The following LY96 variants were observed in gnomAD, a reference collection of about 807,000 sequenced individuals.
The protein encoded by LY96 is lymphocyte antigen 96.
In LY96, 18 loss-of-function variants were observed where a neutral mutation model predicts 18.9. The ratio of observed to expected loss-of-function variants is 0.95; its 90% CI spans 0.66 to 1.41. The LOEUF is 1.41. Ranked by LOEUF, LY96 falls within the 40% of genes most tolerant of loss-of-function variation. The probability of loss-of-function intolerance (pLI) is 0.00; values close to 1 mark genes in which losing one functional copy is unlikely to be tolerated. For synonymous variants in LY96, 66 were observed against 62.6 expected, an observed-to-expected ratio of 1.06 and a Z score of -0.26; for missense variants, 175 against 182.4, an observed-to-expected ratio of 0.96 and a Z score of 0.23.
intron 1 of LY96, among the ~76,000 whole-genome samples, chr8:73,994,242 T>C (rs1816074805): frequency 6.6e-6 from 1 of 152,082 alleles, no homozygotes; most frequent in South Asian, 2.1e-4. Flanking sequence ...AAAGGGACTG[T>C]GGGCAAGCCA....
At chr8:74,037,222 C>A in the LY96 span, among the ~76,000 whole-genome samples, 4 of 152,140 alleles carry the variant, frequency 2.6e-5, no homozygotes, top group Non-Finnish European at 5.9e-5. Context: ...GGTTGTCTCA[C>A]TAGATGTAAA....
At chr8:74,051,008 G>A in the LY96 span, among the ~76,000 whole-genome samples, 8 of 152,148 alleles carry the variant, frequency 5.3e-5, no homozygotes, top group South Asian at 2.1e-4. Context: ...GAGCGACAGA[G>A]TGAGACTCTG....
At chr8:74,022,478 G>A (rs1421154727) in intron 3 of LY96, among the ~76,000 whole-genome samples, 1 of 145,034 alleles carries the variant, frequency 6.9e-6, no homozygotes, top group Admixed American at 6.8e-5. Context: ...AAAAAAAAAA[G>A]GGTTCTATCC....
At chr8:74,069,493 T>C in the LY96 span, among the ~76,000 whole-genome samples, 7 of 152,228 alleles carry the variant, frequency 4.6e-5, no homozygotes, top group African/African-American at 1.7e-4. Context: ...ATATGTGTTG[T>C]TTCCATAGCA....
At chr8:74,098,335 G>T in the LY96 span, among the ~76,000 whole-genome samples, 1 of 151,940 alleles carries the variant, frequency 6.6e-6, no homozygotes. Flanking sequence ...TGCCAGAATT[G>T]TCCGAATTAA....
chr8:74,042,294 G>A, the LY96 span, among the ~76,000 whole-genome samples: 1 of 152,250 alleles, frequency 6.6e-6, no homozygotes, highest in Non-Finnish European at 1.5e-5. Flanking sequence ...GCTGACGCAG[G>A]TGGATCTCCT....
chr8:74,063,594 C>G, the LY96 span, among the ~76,000 whole-genome samples: 1 of 152,118 alleles, frequency 6.6e-6, no homozygotes, highest in South Asian at 2.1e-4. Flanking sequence ...ATCTGTTCAC[C>G]TAGAAGGAAA....
chr8:74,050,163 T>C, the LY96 span, among the ~76,000 whole-genome samples: 1 of 151,946 alleles, frequency 6.6e-6, no homozygotes, highest in Non-Finnish European at 1.5e-5. Flanking sequence ...GCCAACATGG[T>C]GAAACCCCAT....
At chr8:74,007,993 C>A (rs540357076) in intron 2 of LY96, among the ~76,000 whole-genome samples, 2 of 152,320 alleles carry the variant, frequency 1.3e-5, no homozygotes, top group South Asian at 4.1e-4. Context: ...CTCCTGACCT[C>A]AGGAGATCTG....
the LY96 span, among the ~76,000 whole-genome samples, chr8:74,061,503 A>G: frequency 6.6e-6 from 1 of 152,226 alleles, no homozygotes; most frequent in South Asian, 2.1e-4. Context: ...GGAGATGGTT[A>G]AAGGGTACAA....
chr8:74,061,022 AT>A, the LY96 span, among the ~76,000 whole-genome samples: 16 of 152,206 alleles, frequency 1.1e-4, no homozygotes, highest in Non-Finnish European at 2.2e-4. Context: ...GTTCACAGGT[AT>A]AATGCTATGT....
chr8:74,088,139 A>AATGGAATGGAATGGAATG, the LY96 span, among the ~76,000 whole-genome samples: 2 of 149,672 alleles, frequency 1.3e-5, no homozygotes, highest in African/African-American at 5.1e-5. Context: ...AGAATAGAAT[A>AATGGAATGGAATGGAATG]GAATAGAATA....
intron 1 of LY96, among the ~76,000 whole-genome samples, chr8:74,002,029 T>C (rs1816291357): frequency 4.2e-5 from 1 of 23,776 alleles, no homozygotes. Context: ...CTTCCTTCCT[T>C]CCTTCCTTCC....
chr8:74,064,378 T>C, the LY96 span, among the ~76,000 whole-genome samples: 1 of 152,220 alleles, frequency 6.6e-6, no homozygotes, highest in African/African-American at 2.4e-5. Flanking sequence ...GTTCTAGTCA[T>C]GGGAGGCGGA....
intron 3 of LY96, among the ~76,000 whole-genome samples, chr8:74,014,954 C>G (rs1586655918): frequency 6.6e-6 from 1 of 152,076 alleles, no homozygotes; most frequent in African/African-American, 2.4e-5. Context: ...TGCCTGCAAT[C>G]CCAGCACTTT....
the LY96 span, among the ~76,000 whole-genome samples, chr8:74,054,626 T>TTC: frequency 4.7e-5 from 5 of 106,112 alleles, no homozygotes; most frequent in Admixed American, 1.0e-4. Context: ...CCTTCTTTCT[T>TTC]TCTTTCTTTC....
At chr8:74,087,697 C>G in the LY96 span, among the ~76,000 whole-genome samples, 1 of 152,144 alleles carries the variant, frequency 6.6e-6, no homozygotes, top group Non-Finnish European at 1.5e-5. Context: ...GTGAGACTTC[C>G]TAACAAGTCT....
chr8:74,063,367 GCT>G, the LY96 span, among the ~76,000 whole-genome samples: 1 of 152,160 alleles, frequency 6.6e-6, no homozygotes, highest in African/African-American at 2.4e-5. Context: ...AGGAGAATTA[GCT>G]CTGCTTTTTG....
At chr8:74,035,043 T>G in the LY96 span, among the ~76,000 whole-genome samples, 4 of 152,198 alleles carry the variant, frequency 2.6e-5, no homozygotes, top group Non-Finnish European at 5.9e-5. Flanking sequence ...AGTTATGAGT[T>G]GCGAAGATAT....
Sources: gnomAD v4.1 joint callset for allele counts (sites outside exome capture counted in the v4.1 genomes callset) on GRCh38, gnomAD v4.1.1 for gene constraint, MANE v1.5 for transcripts, NCBI Gene and HGNC (gene_info 2026-07-23, HGNC 2026-07-21) for gene names.